The following ROBO2 variants were observed in gnomAD, a reference collection of about 807,000 sequenced individuals.
ROBO2 encodes the protein roundabout homolog 2.
Under a neutral mutation model 160.8 loss-of-function variants are expected in ROBO2, and 53 were observed. The ratio of observed to expected loss-of-function variants is 0.33; its 90% CI spans 0.26 to 0.41. The LOEUF is 0.41. ROBO2 is among the 10% of genes least tolerant of loss of function. ROBO2 has a pLI of 1.00. For missense variants in ROBO2, 1,577 were observed against 1,722.4 expected (o/e 0.92, Z 1.49); for synonymous variants, 664 against 611.7 (o/e 1.09, Z -1.26).
chr3:76,658,841 T>C (rs909958630), intron 2 of ROBO2, among the ~76,000 whole-genome samples: 1 of 152,204 alleles, frequency 6.6e-6, no homozygotes, highest in Non-Finnish European at 1.5e-5. Context: ...CATGCTAGGA[T>C]ATATTATACA....
At chr3:76,191,349 C>T (rs948334886) in intron 2 of ROBO2, among the ~76,000 whole-genome samples, 2 of 151,908 alleles carry the variant, frequency 1.3e-5, no homozygotes, top group East Asian at 1.9e-4. Flanking sequence ...GGTTTATTCT[C>T]AACGACAGCT....
At chr3:76,151,257 C>A (rs2072186349) in intron 2 of ROBO2, among the ~76,000 whole-genome samples, 1 of 152,056 alleles carries the variant, frequency 6.6e-6, no homozygotes, top group Non-Finnish European at 1.5e-5. Context: ...TCCTATAATG[C>A]TCATATGGAA....
chr3:76,804,568 A>G (rs1392737499), intron 2 of ROBO2, among the ~76,000 whole-genome samples: 2 of 152,198 alleles, frequency 1.3e-5, no homozygotes, highest in Non-Finnish European at 2.9e-5. Context: ...ACAGTAGCAT[A>G]ATATTAAAGT....
chr3:76,016,248 G>A (rs1458028412), intron 2 of ROBO2, among the ~76,000 whole-genome samples: 1 of 152,028 alleles, frequency 6.6e-6, no homozygotes, highest in Non-Finnish European at 1.5e-5. Context: ...GCATCTGCTC[G>A]GGACAGGCTG....
intron 2 of ROBO2, among the ~76,000 whole-genome samples, chr3:76,772,352 AATAT>A (rs987081804): frequency 4.0e-5 from 6 of 150,426 alleles, no homozygotes; most frequent in African/African-American, 1.5e-4. Context: ...CAGTAAGAAA[AATAT>A]ATATATAATA....
intron 2 of ROBO2, among the ~76,000 whole-genome samples, chr3:77,010,848 C>A: frequency 1.8e-5 from 1 of 54,828 alleles, no homozygotes; most frequent in Non-Finnish European, 4.7e-5. Flanking sequence ...CTCCCTCCCT[C>A]CCTCTCTCCC....
intron 2 of ROBO2, among the ~76,000 whole-genome samples, chr3:76,765,879 A>G (rs2061552240): frequency 6.6e-6 from 1 of 151,598 alleles, no homozygotes; most frequent in Admixed American, 6.6e-5. Flanking sequence ...CGAGGCACCC[A>G]CTTTTGGGAC....
At chr3:77,507,018 G>A (rs950934341) in intron 5 of ROBO2, among the ~76,000 whole-genome samples, 4 of 152,066 alleles carry the variant, frequency 2.6e-5, no homozygotes, top group African/African-American at 9.7e-5. Flanking sequence ...AATATATAAG[G>A]CAGATAATTT....
intron 2 of ROBO2, among the ~76,000 whole-genome samples, chr3:77,334,718 A>G (rs1425077376): frequency 6.8e-6 from 1 of 147,076 alleles, no homozygotes; most frequent in Non-Finnish European, 1.5e-5. Flanking sequence ...AGAAAACACA[A>G]GCTCTTTTTC....
At chr3:76,723,237 A>G (rs529038317) in intron 2 of ROBO2, among the ~76,000 whole-genome samples, 11 of 152,306 alleles carry the variant, frequency 7.2e-5, no homozygotes, top group African/African-American at 2.4e-4. Flanking sequence ...GAAATAAAAT[A>G]TGCTATTAAG....
chr3:76,180,549 C>A (rs1411205050), intron 2 of ROBO2, among the ~76,000 whole-genome samples: 2 of 152,096 alleles, frequency 1.3e-5, no homozygotes, highest in African/African-American at 4.8e-5. Flanking sequence ...TTCTCACCAT[C>A]CTCCTATTCC....
chr3:77,359,460 G>A (rs1190985098), intron 2 of ROBO2, among the ~76,000 whole-genome samples: 1 of 152,154 alleles, frequency 6.6e-6, no homozygotes, highest in African/African-American at 2.4e-5. Flanking sequence ...ACATTTACCT[G>A]TGCTGATTTG....
intron 2 of ROBO2, among the ~76,000 whole-genome samples, chr3:77,369,956 A>G (rs1159095630): frequency 1.3e-5 from 2 of 152,128 alleles, no homozygotes. Flanking sequence ...TAATGAATAA[A>G]CTCAGCCATC....
chr3:77,571,816 C>T (rs922261589), intron 13 of ROBO2, among the ~76,000 whole-genome samples: 3 of 151,632 alleles, frequency 2.0e-5, no homozygotes, highest in African/African-American at 7.3e-5. Context: ...GTAGAACACA[C>T]ATCCAGTAAA....
At chr3:77,128,870 T>C (rs1285532861) in intron 2 of ROBO2, among the ~76,000 whole-genome samples, 1 of 152,196 alleles carries the variant, frequency 6.6e-6, no homozygotes, top group Non-Finnish European at 1.5e-5. Flanking sequence ...ACATAAAAAT[T>C]TAAACTTCCA....
Position 77,063,179 on chromosome 3 carries a change from C to T in ROBO2, c.61+22333C>T, listed in dbSNP as rs75684781. Among the ~76,000 whole-genome samples the T allele has an allele frequency of 5.3e-4, 81 of 152,282 alleles. 1 individual carries two copies. Among genetic ancestry groups the T allele is most frequent in the Admixed American group, 2.4e-3 (37 of 15,282 alleles). Reference sequence around the variant, plus strand: ...GGTGGGAGCAGGATCTAGAAGTGGACAGCTTGGGTTGAGTTCAGAGTAAGG... The same window carrying T: ...GGTGGGAGCAGGATCTAGAAGTGGATAGCTTGGGTTGAGTTCAGAGTAAGG... On this transcript the variant is annotated intron_variant, in intron 1 of 25. Coordinates refer to ENST00000461745, the Ensembl canonical transcript of ROBO2.
At chr3:77,228,435 AC>A (rs1553857576) in intron 2 of ROBO2, among the ~76,000 whole-genome samples, 1 of 150,340 alleles carries the variant, frequency 6.7e-6, no homozygotes, top group African/African-American at 2.5e-5. Context: ...ACACACACAC[AC>A]CCTTTTTTTT....
intron 2 of ROBO2, among the ~76,000 whole-genome samples, chr3:75,984,380 T>G (rs2065356591): frequency 6.6e-6 from 1 of 151,512 alleles, no homozygotes; most frequent in South Asian, 2.1e-4. Context: ...GTAATATTTA[T>G]TCTTTGTTTG....
intron 2 of ROBO2, among the ~76,000 whole-genome samples, chr3:77,191,304 T>C (rs566687950): frequency 1.3e-5 from 2 of 152,238 alleles, no homozygotes; most frequent in African/African-American, 4.8e-5. Flanking sequence ...CCTTAATTTT[T>C]TGACCTGTTG....
Sources: allele counts gnomAD v4.1 joint callset (sites outside exome capture counted in the v4.1 genomes callset), GRCh38; gene constraint gnomAD v4.1.1; transcripts MANE v1.5; gene names NCBI Gene and HGNC (gene_info 2026-07-23, HGNC 2026-07-21).